Variants in TOPBP1 observed in about 807,000 individuals in gnomAD.
The protein encoded by TOPBP1 is DNA topoisomerase II binding protein 1.
Under a neutral mutation model 167.7 loss-of-function variants are expected in TOPBP1, and 28 were observed. The ratio of observed to expected loss-of-function variants is 0.17; its 90% CI spans 0.12 to 0.23. The LOEUF (loss-of-function observed/expected upper bound fraction) is 0.23, where lower values mean the gene tolerates loss of function less well. TOPBP1 is among the 10% of genes least tolerant of loss of function. The pLI is 1.00. For synonymous variants in TOPBP1, 598 were observed against 611.4 expected (o/e 0.98, Z 0.32); for missense variants, 1,554 against 1,809.6 (o/e 0.86, Z 2.56).
intron 14 of TOPBP1, among the ~76,000 whole-genome samples, chr3:133,637,623 T>TA (rs1221090438): frequency 6.6e-6 from 1 of 152,254 alleles, no homozygotes; most frequent in Non-Finnish European, 1.5e-5. Flanking sequence ...ATGATTGGCC[T>TA]AGTCATACAG....
intron 16 of TOPBP1, 25 bp downstream of exon 16, chr3:133,628,337 T>C (rs775266374): frequency 1.3e-6 from 2 of 1,564,732 alleles, no homozygotes; most frequent in Middle Eastern, 1.7e-4. Flanking sequence ...CATATCACCA[T>C]GAAACAGAAA....
rs75070189 is a variant in TOPBP1, at chr3:133,652,353, G to A, written c.1089+110C>T. ...GTGCATCTACTTAGCTAGAGTGGAG[G>A]GTTTACATAGATAGTAAGGAGCAAG... is the stretch of plus-strand genomic sequence containing the variant. On this transcript the variant is annotated intron_variant, in intron 8 of 27. Coordinates refer to ENST00000260810, the MANE Select transcript of TOPBP1 (RefSeq NM_007027.4). 1,905 of 1,150,266 alleles carry A rather than the reference G, an allele frequency of 1.7e-3. 19 individuals carry two copies. In the African/African-American group the frequency reaches 0.026, roughly 16 times the overall value. The allele number at this position is 1,150,266 out of a possible 1,614,324, so 71.3% of individuals were successfully genotyped here.
chr3:133,627,376 T>G (rs1559816790), intron 16 of TOPBP1, among the ~76,000 whole-genome samples: 1 of 152,042 alleles, frequency 6.6e-6, no homozygotes, highest in African/African-American at 2.4e-5. Context: ...TGAAACGAGA[T>G]AATGCTCAGC....
At chr3:133,655,134 G>A (rs1421663078) in intron 6 of TOPBP1, among the ~76,000 whole-genome samples, 156 bp downstream of exon 6, 3 of 152,196 alleles carry the variant, frequency 2.0e-5, no homozygotes, top group African/African-American at 7.2e-5. Context: ...GATCAAGGGA[G>A]GCAGAGGTTG....
intron 14 of TOPBP1, among the ~76,000 whole-genome samples, chr3:133,632,306 G>A (rs771579485): frequency 4.9e-4 from 75 of 152,032 alleles, no homozygotes; most frequent in South Asian, 1.2e-3. Flanking sequence ...TTGGGAAGCT[G>A]AGGCAGCAGA....
chr3:133,615,545 T>G (rs1018031741), intron 23 of TOPBP1, among the ~76,000 whole-genome samples: 1 of 152,176 alleles, frequency 6.6e-6, no homozygotes, highest in Non-Finnish European at 1.5e-5. Flanking sequence ...GCTGCCAGAT[T>G]AACTTCTCTT....
At chr3:133,628,220 A>T in intron 16 of TOPBP1, 142 bp downstream of exon 16, 1 of 732,342 alleles carries the variant, frequency 1.4e-6, no homozygotes, top group South Asian at 1.9e-5. Flanking sequence ...AGATGTGGTA[A>T]ATTAAAAATC....
chr3:133,648,798 CAA>C (rs562888192), intron 10 of TOPBP1, among the ~76,000 whole-genome samples: 8 of 132,616 alleles, frequency 6.0e-5, no homozygotes, highest in East Asian at 2.2e-4. Flanking sequence ...AATCCTGCTT[CAA>C]AAAAAAAAAA....
At position 133,655,356 on chromosome 3, in the gene TOPBP1, C is replaced by T; in HGVS notation, c.676G>A (p.Gly226Arg). The T allele has an allele frequency of 6.2e-7, 1 of 1,606,548 alleles. No homozygotes were observed. The highest frequency in any genetic ancestry group is 8.5e-7 in the Non-Finnish European group (1 of 1,176,496). Residue 226 changes from glycine (G) to arginine (R), a missense_variant, in exon 6 of 28, where the codon GGA becomes AGA. Coordinates refer to ENST00000260810, the MANE Select transcript of TOPBP1 (RefSeq NM_007027.4). Reference protein sequence around the residue: ...KEVQQLTVKHGGQYMGQLKMN... With the variant: ...KEVQQLTVKHRGQYMGQLKMN... ...TTCAATTGTCCCATGTATTGACCTC[C>T]ATGCTTAACTGTGAGTTGCTGAACT...
At chr3:133,655,550 C>A (rs1936452775) in intron 5 of TOPBP1, 64 bp from the exon 6 acceptor site, 1 of 877,050 alleles carries the variant, frequency 1.1e-6, no homozygotes, top group Non-Finnish European at 1.6e-6. Flanking sequence ...TGAAAAACAA[C>A]ACAAATATCA....
chr3:133,645,232 C>T (rs1936034854), intron 10 of TOPBP1, among the ~76,000 whole-genome samples: 1 of 152,128 alleles, frequency 6.6e-6, no homozygotes, highest in Admixed American at 6.5e-5. Context: ...ATATTAGGAA[C>T]TTATGACTCC....
chr3:133,623,078 T>C lies in TOPBP1; in HGVS notation c.3178+13A>G. On this transcript the variant is annotated intron_variant, in intron 19 of 27. Coordinates refer to ENST00000260810, the MANE Select transcript of TOPBP1 (RefSeq NM_007027.4). ...AAAAAAAATTTTTTTAATTAAAAAA[T>C]AAAATATTTTACCTCCTTTAGAGTC... The C allele has an allele frequency of 1.3e-6, 2 of 1,485,164 alleles. No homozygotes were observed. Among genetic ancestry groups the C allele is most frequent in the Non-Finnish European group, 1.8e-6 (2 of 1,113,768 alleles). The allele number at this position is 1,485,164 out of a possible 1,614,324, so 92.0% of individuals were successfully genotyped here. A position where few individuals can be genotyped will look rare whatever the true frequency, so the allele number is the denominator to read the frequency against.
chr3:133,602,675 T>C (rs1311823953), intron 27 of TOPBP1, among the ~76,000 whole-genome samples: 2 of 152,190 alleles, frequency 1.3e-5, no homozygotes, highest in Non-Finnish European at 2.9e-5. Flanking sequence ...GTGGGATAGA[T>C]GATTTGTGCT....
rs1354792417 is a variant in TOPBP1, at chr3:133,626,601, C to A, written c.2804+1761G>T. ...GACTACTGTATAAATTGATGGAAGA[C>A]CACTGCTACTCATGGTATCTGAGTC... is the stretch of plus-strand genomic sequence containing the variant. On this transcript the variant is annotated intron_variant, in intron 16 of 27. Coordinates refer to ENST00000260810, the MANE Select transcript of TOPBP1 (RefSeq NM_007027.4). Among the ~76,000 whole-genome samples, 4 of 152,232 alleles carry A rather than the reference C, an allele frequency of 2.6e-5. No individual in the cohort carries two copies. The East Asian group carries it at 7.7e-4, about 29-fold the overall frequency.
chr3:133,602,548 A>G (rs973873252), intron 27 of TOPBP1, among the ~76,000 whole-genome samples: 1 of 152,228 alleles, frequency 6.6e-6, no homozygotes, highest in Non-Finnish European at 1.5e-5. Context: ...AAACCTATTT[A>G]AAGTAAAATC....
At position 133,611,494 on chromosome 3, in the gene TOPBP1, G is replaced by A. The variant is rs188963049; in HGVS notation, c.4036-353C>T. 1.7e-3 allele frequency among the ~76,000 whole-genome samples: 263 copies of A among 152,312 alleles called. 1 individual carries two copies. Among genetic ancestry groups the A allele is most frequent in the African/African-American group, 6.2e-3 (257 of 41,568 alleles). ...AAGGACACAGTCTCAGAGGAGGTAT[G>A]TACTGATAACTTGATTATCTGTCTA... On this transcript the variant is annotated intron_variant, in intron 24 of 27. Transcript: ENST00000260810.
At position 133,617,642 on chromosome 3, in the gene TOPBP1, T is replaced by C. The variant is rs73861160; in HGVS notation, c.3593-316A>G. On this transcript the variant is annotated intron_variant, in intron 21 of 27. Transcript: ENST00000260810. The stretch of plus-strand genomic sequence containing the variant: ...TTAAGTGTAACCCAAATTTGTAACA[T>C]GAGAGCAATTCTACACTTGGAGAAA... 1.0e-4 allele frequency: 20 copies of C among 198,880 alleles called. No individual in the cohort carries two copies. The South Asian group carries it at 2.5e-3, about 25-fold the overall frequency. 12.3% of individuals were successfully genotyped at this position (198,880 alleles called of 1,614,324 possible).
chr3:133,651,341 A>G (rs1263586884), intron 8 of TOPBP1, among the ~76,000 whole-genome samples: 4 of 151,566 alleles, frequency 2.6e-5, no homozygotes, highest in African/African-American at 4.8e-5. Context: ...GGCCTGCCAC[A>G]ACGCCCAGCT....
In TOPBP1 at chr3:133,653,441, A is replaced by G; in HGVS notation, c.826T>C (p.Cys276Arg). Residue 276 changes from cysteine (C) to arginine (R), a missense_variant, in exon 7 of 28, where the codon TGT becomes CGT. Physicochemically the swap from Cys to Arg is radical, Grantham distance 180. Coordinates refer to ENST00000260810, the MANE Select transcript of TOPBP1 (RefSeq NM_007027.4). ...GTCTTGTATATGGATTCATCCTGACAAAAACCTTTCTCAATACTGTCAAAA... is the reference window on the plus strand; with the variant it reads ...GTCTTGTATATGGATTCATCCTGACGAAAACCTTTCTCAATACTGTCAAAA... ...WFFDSIEKGF[C>R]QDESIYKTEP... 1 of 1,613,064 alleles carries G rather than the reference A, an allele frequency of 6.2e-7. No homozygotes were observed. The highest frequency in any genetic ancestry group is 8.5e-7 in the Non-Finnish European group (1 of 1,179,578).
Sources: gnomAD v4.1 joint callset for allele counts (sites outside exome capture counted in the v4.1 genomes callset) on GRCh38, gnomAD v4.1.1 for gene constraint, MANE v1.5 for transcripts, NCBI Gene and HGNC (gene_info 2026-07-23, HGNC 2026-07-21) for gene names.